The following TENM3 variants were observed in gnomAD, a reference collection of about 807,000 sequenced individuals.
The protein encoded by TENM3 is teneurin transmembrane protein 3.
TENM3 carries 63 observed loss-of-function variants against 255.1 expected under a neutral mutation model. That is an observed-to-expected ratio of 0.25 (90% CI 0.20 to 0.30). The LOEUF is 0.30. Among genes scored for constraint, TENM3 ranks in the 10% least tolerant of loss-of-function variants. TENM3 has a pLI of 1.00. For synonymous variants in TENM3, 1,306 were observed against 1,322.3 expected (o/e 0.99, Z 0.27); for missense variants, 2,929 against 3,461.1 (o/e 0.85, Z 3.86).
the TENM3 span, among the ~76,000 whole-genome samples, chr4:181,633,121 A>G: frequency 2.8e-4 from 42 of 152,154 alleles, no homozygotes; most frequent in Non-Finnish European, 4.3e-4. Context: ...CACCATACGG[A>G]TATTAATCTC....
intron 5 of TENM3, among the ~76,000 whole-genome samples, chr4:182,638,642 T>A (rs1265325469): frequency 1.3e-5 from 2 of 152,216 alleles, no homozygotes; most frequent in African/African-American, 2.4e-5. Flanking sequence ...GTCCTTCTGT[T>A]ACCTGTTACA....
chr4:182,541,679 A>T (rs1740896769), intron 3 of TENM3, among the ~76,000 whole-genome samples: 1 of 152,200 alleles, frequency 6.6e-6, no homozygotes. Context: ...AGAAGATTAG[A>T]AAACAGATTT....
At chr4:182,228,263 A>G (rs1756316085) in intron 1 of TENM3, among the ~76,000 whole-genome samples, 1 of 151,816 alleles carries the variant, frequency 6.6e-6, no homozygotes, top group African/African-American at 2.4e-5. Context: ...CTGTGAGATG[A>G]TGGATACTTT....
At chr4:181,890,755 A>G in the TENM3 span, among the ~76,000 whole-genome samples, 1 of 152,144 alleles carries the variant, frequency 6.6e-6, no homozygotes, top group Admixed American at 6.5e-5. Flanking sequence ...ATGGAAAATC[A>G]TTAGTGTCTG....
intron 3 of TENM3, among the ~76,000 whole-genome samples, chr4:182,577,734 T>C (rs1174026544): frequency 6.6e-6 from 1 of 152,188 alleles, no homozygotes; most frequent in Non-Finnish European, 1.5e-5. Context: ...TGAATATCTA[T>C]GGTTTTCATG....
At position 182,774,199 on chromosome 4, in the gene TENM3, G is replaced by A. The variant is rs116464645; in HGVS notation, c.5068+552G>A. Among the ~76,000 whole-genome samples, 719 of 152,188 alleles carry A rather than the reference G, an allele frequency of 4.7e-3. 4 individuals are homozygous for A. Among genetic ancestry groups the A allele is most frequent in the African/African-American group, 0.016 (671 of 41,520 alleles). On this transcript the variant is annotated intron_variant, in intron 23 of 27. Coordinates refer to ENST00000511685, the MANE Select transcript of TENM3 (RefSeq NM_001080477.4). ...AAATTTGAAAAAGCCTGTCTACAAT[G>A]ACATTTGTAATTGTGAGTTCACAAC...
the TENM3 span, among the ~76,000 whole-genome samples, chr4:181,841,639 T>C: frequency 6.6e-6 from 1 of 152,216 alleles, no homozygotes; most frequent in South Asian, 2.1e-4. Context: ...TGTTTAAATA[T>C]TCTTAATATT....
chr4:181,840,131 T>C, the TENM3 span, among the ~76,000 whole-genome samples: 1 of 152,146 alleles, frequency 6.6e-6, no homozygotes. Context: ...AATATTTTAC[T>C]GTTTTCTAAG....
At chr4:181,703,099 C>T in the TENM3 span, among the ~76,000 whole-genome samples, 2 of 152,178 alleles carry the variant, frequency 1.3e-5, no homozygotes, top group Non-Finnish European at 2.9e-5. Flanking sequence ...ACACAGTAAG[C>T]ACTGGAGCTG....
intron 3 of TENM3, among the ~76,000 whole-genome samples, chr4:182,383,495 CAG>C (rs149064555): frequency 0.22 from 32,784 of 151,734 alleles, 3,686 homozygotes; most frequent in East Asian, 0.33. Context: ...ATTGGAGACT[CAG>C]GGGTACAGGT....
chr4:182,024,776 T>C, the TENM3 span, among the ~76,000 whole-genome samples: 3 of 152,126 alleles, frequency 2.0e-5, no homozygotes, highest in Admixed American at 6.5e-5. Context: ...CTAGGTCTTA[T>C]TCATTCTTTC....
the TENM3 span, among the ~76,000 whole-genome samples, chr4:181,476,205 G>GTT: frequency 1.0e-5 from 1 of 98,014 alleles, no homozygotes; most frequent in African/African-American, 2.9e-5. Flanking sequence ...ACATTTTAGG[G>GTT]GTTTTTTTTT....
chr4:182,529,097 T>A (rs1739519442), intron 3 of TENM3, among the ~76,000 whole-genome samples: 5 of 152,250 alleles, frequency 3.3e-5, no homozygotes, highest in Admixed American at 3.3e-4. Flanking sequence ...CTTGTCAATT[T>A]CTATTCCTAT....
chr4:181,453,674 T>G, the TENM3 span, among the ~76,000 whole-genome samples: 1 of 152,138 alleles, frequency 6.6e-6, no homozygotes, highest in Non-Finnish European at 1.5e-5. Context: ...TGGACCAGCA[T>G]GCAAAGCAGG....
the TENM3 span, among the ~76,000 whole-genome samples, chr4:182,114,198 A>G: frequency 6.6e-6 from 1 of 152,354 alleles, no homozygotes; most frequent in South Asian, 2.1e-4. Flanking sequence ...TGCAGTTGTT[A>G]GAATTAAAAG....
chr4:181,456,482 G>A, the TENM3 span, among the ~76,000 whole-genome samples: 1 of 151,836 alleles, frequency 6.6e-6, no homozygotes. Context: ...GTCAAAATGT[G>A]TCACTTTATT....
intron 2 of TENM3, among the ~76,000 whole-genome samples, chr4:182,346,186 G>C (rs1203955317): frequency 6.6e-6 from 1 of 152,172 alleles, no homozygotes; most frequent in African/African-American, 2.4e-5. Flanking sequence ...TGTTTCTACT[G>C]TTTGAGTAAC....
chr4:182,696,996 A>G (rs920155515), intron 12 of TENM3, among the ~76,000 whole-genome samples: 2 of 152,030 alleles, frequency 1.3e-5, no homozygotes, highest in African/African-American at 4.8e-5. Flanking sequence ...TTACTCATCT[A>G]TAAAGTGGGA....
intron 1 of TENM3, among the ~76,000 whole-genome samples, chr4:182,231,530 C>G (rs760448199): frequency 6.6e-6 from 1 of 152,142 alleles, no homozygotes; most frequent in Admixed American, 6.5e-5. Context: ...TTATATTTCA[C>G]GGGCAGCTGC....
Sources: allele counts gnomAD v4.1 joint callset (sites outside exome capture counted in the v4.1 genomes callset), GRCh38; gene constraint gnomAD v4.1.1; transcripts MANE v1.5; gene names NCBI Gene and HGNC (gene_info 2026-07-23, HGNC 2026-07-21).